The following WDR55 variants were observed in gnomAD, a reference collection of about 807,000 sequenced individuals.
WDR55 encodes WD repeat-containing protein 55.
WDR55 carries 31 observed loss-of-function variants against 34.0 expected under a neutral mutation model. That is an observed-to-expected ratio of 0.91 (90% CI 0.69 to 1.23). WDR55 has a LOEUF of 1.23. WDR55 is among the 50% of genes most tolerant of loss of function. WDR55 has a pLI of 0.00. For missense variants in WDR55, 440 were observed against 494.6 expected (o/e 0.89, Z 1.05); for synonymous variants, 164 against 185.9 (o/e 0.88, Z 0.96).
At position 140,671,070 on chromosome 5, in the gene WDR55, C is replaced by G. The variant is rs1331856925; in HGVS notation, c.*1416C>G. ...GAAGATCACTGGGTCAGGTTGGACC[C>G]TGGGCTGGGAGCGGGAGGGCAAGGC... is the stretch of plus-strand genomic sequence containing the variant. On this transcript the variant is annotated 3_prime_UTR_variant, in exon 7 of 7. Coordinates refer to ENST00000358337, the MANE Select transcript of WDR55 (RefSeq NM_017706.5). 1.6e-6 allele frequency: 1 copy of G among 623,154 alleles called. No individual in the cohort carries two copies. 38.6% of individuals were successfully genotyped at this position (623,154 alleles called of 1,614,324 possible).
At chr5:140,667,859 A>G (rs541829034) in intron 1 of WDR55, 1 of 167,164 alleles carries the variant, frequency 6.0e-6, no homozygotes, top group African/African-American at 2.4e-5. Context: ...AGCCTGCTCT[A>G]CCTTACTGAT....
Position 140,669,601 on chromosome 5 carries a change from G to GAA in WDR55, c.1100_1101dup (p.Asp368LysfsTer22). The GAA allele has an allele frequency of 6.2e-7, 1 of 1,614,142 alleles. No homozygotes were observed. On this transcript the variant is annotated frameshift_variant, in exon 7 of 7. Coordinates refer to ENST00000358337, the MANE Select transcript of WDR55 (RefSeq NM_017706.5). LOFTEE classifies it high-confidence loss of function. ...CTTCGCAGGACTGAGGGAAGAGGGA[G>GAA]AAGACTCCATGGCTCAGGAAGAAAA...
chr5:140,671,816 C>A lies in WDR55; in HGVS notation c.*2162C>A. On this transcript the variant is annotated 3_prime_UTR_variant, in exon 7 of 7. Coordinates refer to ENST00000358337, the MANE Select transcript of WDR55 (RefSeq NM_017706.5). ...GGGCCCAAGCCTCCAGGTGGTGAGC[C>A]CTTTGGAGCTACACAGTCCTGTTAT... 6.6e-7 allele frequency: 1 copy of A among 1,505,986 alleles called. No individual in the cohort carries two copies. Among genetic ancestry groups the A allele is most frequent in the South Asian group, 1.2e-5 (1 of 82,830 alleles). 93.3% of individuals were successfully genotyped at this position (1,505,986 alleles called of 1,614,324 possible). A position where few individuals can be genotyped will look rare whatever the true frequency, so the allele number is the denominator to read the frequency against.
In WDR55 at chr5:140,669,582, A is replaced by C. The variant is rs1032653826; in HGVS notation, c.1080A>C (p.Ala360=). ...SKTWSTDDFF[A]GLREEGEDSM... is the part of the protein sequence containing the mutation. ...CTTGGAGCACCGATGACTTCTTCGC[A>C]GGACTGAGGGAAGAGGGAGAAGACT... Residue 360 remains alanine (A), a synonymous_variant, in exon 7 of 7, where the codon GCA becomes GCC. Coordinates refer to ENST00000358337, the MANE Select transcript of WDR55 (RefSeq NM_017706.5). 6.2e-7 allele frequency: 1 copy of C among 1,614,172 alleles called. No homozygotes were observed. The highest frequency in any genetic ancestry group is 1.3e-5 in the African/African-American group (1 of 75,050).
Position 140,665,092 on chromosome 5 carries a change from G to A in WDR55, c.180G>A (p.Gly60=), listed in dbSNP as rs374994063. The A allele has an allele frequency of 1.6e-4, 251 of 1,597,834 alleles. No homozygotes were observed. Among genetic ancestry groups the A allele is most frequent in the Non-Finnish European group, 2.0e-4 (234 of 1,170,418 alleles). ...TACTGGCTGCAGGGGACGTGGACGG[G>A]GACGTGTTCGTGTGAGAGCGGGGCA... The part of the protein sequence containing the change: ...RDLLAAGDVD[G]DVFVFSYSCQ... The change falls in exon 1 of 7, where the codon GGG becomes GGA. Residue 60 remains glycine, a synonymous_variant. Transcript: ENST00000358337.
In WDR55 at chr5:140,669,325, C is replaced by G; in HGVS notation, c.831-8C>G. The G allele has an allele frequency of 6.2e-7, 1 of 1,609,792 alleles. No individual in the cohort carries two copies. The highest frequency in any genetic ancestry group is 8.5e-7 in the Non-Finnish European group (1 of 1,176,662). On this transcript the variant is annotated splice_region_variant and splice_polypyrimidine_tract_variant and intron_variant, in intron 6 of 6. Transcript: ENST00000358337. ...GCCAGTACTCAACACTGTTCTTTCC[C>G]TGCCCAGGGCTGTGAACATCCTACC...
At position 140,672,280 on chromosome 5, in the gene WDR55, G is replaced by A. The variant is rs1758102554; in HGVS notation, c.*2626G>A. 4 of 728,306 alleles carry A rather than the reference G, an allele frequency of 5.5e-6. No individual in the cohort carries two copies. Among genetic ancestry groups the A allele is most frequent in the Non-Finnish European group, 8.9e-6 (4 of 450,430 alleles). 45.1% of individuals were successfully genotyped at this position (728,306 alleles called of 1,614,324 possible). A position where few individuals can be genotyped will look rare whatever the true frequency, so the allele number is the denominator to read the frequency against. ...AGTGTCACAAATTTAGGTAAGCGGT[G>A]GTGGTAGCACCATTGGAAGTTTTAA... On this transcript the variant is annotated 3_prime_UTR_variant, in exon 7 of 7. Coordinates refer to ENST00000358337, the MANE Select transcript of WDR55 (RefSeq NM_017706.5).
intron 1 of WDR55, chr5:140,666,931 G>A: frequency 1.0e-6 from 1 of 985,408 alleles, no homozygotes. Context: ...AGAGGCAGTG[G>A]AAAAGTTGAA....
chr5:140,671,867 T>C lies in WDR55; in HGVS notation c.*2213T>C, dbSNP rs1758085249. On this transcript the variant is annotated 3_prime_UTR_variant, in exon 7 of 7. Transcript: ENST00000358337. ...TTGTAGCCTTCCCATTTCCTGGTAG[T>C]GTGACCATGGGTAAGAAAAGACAAT... The C allele has an allele frequency of 6.0e-6, 7 of 1,164,444 alleles. No individual in the cohort carries two copies. The East Asian group carries it at 1.0e-4, about 17-fold the overall frequency. The allele number at this position is 1,164,444 out of a possible 1,614,324, so 72.1% of individuals were successfully genotyped here.
Position 140,669,017 on chromosome 5 carries a change from G to A in WDR55, c.660+27G>A, listed in dbSNP as rs760731205. 6.2e-6 allele frequency: 10 copies of A among 1,614,056 alleles called. No individual in the cohort carries two copies. The African/African-American group carries it at 1.2e-4, about 19-fold the overall frequency. On this transcript the variant is annotated intron_variant, in intron 5 of 6. Transcript: ENST00000358337. ...TACAGCTGGTTATGGTGGGATGGAG[G>A]GGTGTGTGCTGGGGGCTTAGTCTGA... is the stretch of plus-strand genomic sequence containing the variant.
chr5:140,668,813 G>GCCTCC (rs1292823600), intron 4 of WDR55, 22 bp downstream of exon 4: 3 of 1,613,134 alleles, frequency 1.9e-6, no homozygotes, highest in Non-Finnish European at 2.5e-6. Context: ...AAGCTGCCTT[G>GCCTCC]CCTCCCCTCC....
chr5:140,665,250 TCA>T (rs1757891239), intron 1 of WDR55, 147 bp downstream of exon 1: 2 of 692,896 alleles, frequency 2.9e-6, no homozygotes, highest in Middle Eastern at 4.1e-4. Context: ...GGCTCTTCTA[TCA>T]CACCAATCTG....
At chr5:140,666,891 A>G (rs1757937779) in intron 1 of WDR55, 1 of 981,800 alleles carries the variant, frequency 1.0e-6, no homozygotes, top group Non-Finnish European at 1.2e-6. Context: ...TGCTCAACAC[A>G]TGTTTGATTT....
In WDR55 at chr5:140,669,830, A is replaced by G. The variant is rs1419025892; in HGVS notation, c.*176A>G. 4.6e-6 allele frequency: 3 copies of G among 652,492 alleles called. No individual in the cohort carries two copies. The highest frequency in any genetic ancestry group is 5.2e-6 in the Non-Finnish European group (2 of 384,626). 40.4% of individuals were successfully genotyped at this position (652,492 alleles called of 1,614,324 possible). A position where few individuals can be genotyped will look rare whatever the true frequency, so the allele number is the denominator to read the frequency against. ...GCAGCCTCAATGTCCCCAGGCTCAG[A>G]TTGTCCTTCCACCTTAGCCTCTGGA... On this transcript the variant is annotated 3_prime_UTR_variant, in exon 7 of 7. Coordinates refer to ENST00000358337, the MANE Select transcript of WDR55 (RefSeq NM_017706.5).
chr5:140,669,643 G>T lies in WDR55; in HGVS notation c.1141G>T (p.Asp381Tyr). The change falls in exon 7 of 7, where the codon GAC becomes TAC. Residue 381 changes from aspartate (D) to tyrosine (Y), a missense_variant. Transcript: ENST00000358337. ...AQEEKEETGD[D>Y]SD ...GGAAGAAAAGGAGGAGACTGGGGAT[G>T]ACAGTGACTGAAGGAATGAATTGAA... 1 of 1,612,418 alleles carries T rather than the reference G, an allele frequency of 6.2e-7. No homozygotes were observed. The highest frequency in any genetic ancestry group is 1.1e-5 in the South Asian group (1 of 90,924).
chr5:140,669,082 G>A lies in WDR55; in HGVS notation c.664G>A (p.Gly222Arg), dbSNP rs1192475990. ...TGTTTTCTCTATTTCCCTGCAGTGG[G>A]GGAAGAAGGTAGCCTGTGGCTCCAG... is the stretch of plus-strand genomic sequence containing the variant. The part of the protein sequence containing the change: ...DLTSVTLMKW[G>R]KKVACGSSEG... The change falls in exon 6 of 7, where the codon GGG (glycine) becomes AGG (arginine). Residue 222 changes from glycine (G) to arginine (R), a missense_variant. By Grantham distance (125) the Gly-to-Arg change is moderately radical. Transcript: ENST00000358337. 1.2e-6 allele frequency: 2 copies of A among 1,614,160 alleles called. No homozygotes were observed. Among genetic ancestry groups the A allele is most frequent in the South Asian group, 1.1e-5 (1 of 91,086 alleles).
chr5:140,670,277 C>T lies in WDR55; in HGVS notation c.*623C>T, dbSNP rs1758041147. The stretch of plus-strand genomic sequence containing the variant: ...CTTGGAACTCCTGGGCTCAAGTGAT[C>T]CTCCTGCCTTGGCCTCCCAAAATGC... On this transcript the variant is annotated 3_prime_UTR_variant, in exon 7 of 7. Transcript: ENST00000358337. 6.6e-6 allele frequency: 1 copy of T among 152,288 alleles called. No homozygotes were observed. The allele number at this position is 152,288 out of a possible 1,614,324, so 9.4% of individuals were successfully genotyped here. A position where few individuals can be genotyped will look rare whatever the true frequency, so the allele number is the denominator to read the frequency against.
At chr5:140,667,113 T>C (rs1367882556) in intron 1 of WDR55, 1 of 985,338 alleles carries the variant, frequency 1.0e-6, no homozygotes, top group Admixed American at 6.1e-5. Flanking sequence ...CTTCAACAAA[T>C]GTAGGTTCCC....
At position 140,672,339 on chromosome 5, in the gene WDR55, TC is replaced by T; in HGVS notation, c.*2686del. 1.6e-6 allele frequency: 2 copies of T among 1,254,608 alleles called. No homozygotes were observed. The highest frequency in any genetic ancestry group is 2.6e-5 in the South Asian group (2 of 75,606). 77.7% of individuals were successfully genotyped at this position (1,254,608 alleles called of 1,614,324 possible). On this transcript the variant is annotated 3_prime_UTR_variant, in exon 7 of 7. Coordinates refer to ENST00000358337, the MANE Select transcript of WDR55 (RefSeq NM_017706.5). The stretch of plus-strand genomic sequence containing the variant: ...GATCAAATAGTAAAAGGTTGCAAAT[TC>T]TGGCATGTTTGACTCTAAGATCTTG...
Sources: allele counts gnomAD v4.1 joint callset, GRCh38; gene constraint gnomAD v4.1.1; transcripts MANE v1.5; gene names NCBI Gene and HGNC (gene_info 2026-07-23, HGNC 2026-07-21).